Variants in LMBRD1 observed in about 807,000 individuals in gnomAD.
The protein encoded by LMBRD1 is LMBR1 domain containing 1, also known as lysosomal cobalamin transport escort protein LMBD1.
LMBRD1 carries 64 observed loss-of-function variants against 74.8 expected under a neutral mutation model. The observed-to-expected ratio is 0.86, with a 90% CI of 0.70 to 1.05. The LOEUF is 1.05. Among genes scored for constraint, LMBRD1 ranks in the 50% least tolerant of loss-of-function variants. LMBRD1 has a pLI of 0.00. For synonymous variants in LMBRD1, 204 were observed against 216.3 expected (o/e 0.94, Z 0.50); for missense variants, 652 against 645.9 (o/e 1.01, Z -0.10).
intron 9 of LMBRD1, among the ~76,000 whole-genome samples, chr6:69,711,708 T>C (rs998432154): frequency 6.6e-6 from 1 of 152,166 alleles, no homozygotes; most frequent in South Asian, 2.1e-4. Flanking sequence ...AAAAATCTCT[T>C]TCAAACCAGG....
intron 14 of LMBRD1, among the ~76,000 whole-genome samples, chr6:69,691,120 T>C (rs1156530381): frequency 2.0e-5 from 3 of 148,168 alleles, no homozygotes; most frequent in Non-Finnish European, 4.5e-5. Context: ...TTCCATTATA[T>C]TTAAAAAGCA....
chr6:69,796,861 G>A lies in LMBRD1; in HGVS notation c.21C>T (p.Ala7=), dbSNP rs774355755. Residue 7 remains alanine (A), a synonymous_variant, in exon 1 of 16, where the codon GCC becomes GCT. Coordinates refer to ENST00000649934, the MANE Select transcript of LMBRD1 (RefSeq NM_018368.4). ...ACCAGCCGATCACCAGCTCCGCCGA[G>A]GCCGCGCCAGAAGTCGCCATCTTCG... MATSGA[A]SAELVIGWCI... is the part of the protein sequence containing the mutation. 3.7e-6 allele frequency: 6 copies of A among 1,614,040 alleles called. No homozygotes were observed. In the East Asian group the frequency reaches 8.9e-5, roughly 24 times the overall value.
intron 9 of LMBRD1, chr6:69,705,892 C>A: frequency 7.5e-7 from 1 of 1,342,034 alleles, no homozygotes; most frequent in Non-Finnish European, 1.1e-6. Context: ...TTCAAAGCCC[C>A]TAAGGAAAAT....
intron 9 of LMBRD1, among the ~76,000 whole-genome samples, chr6:69,706,897 C>A (rs942178287): frequency 2.6e-5 from 4 of 152,176 alleles, no homozygotes; most frequent in African/African-American, 9.7e-5. Context: ...ACAGCATCTA[C>A]TTATTATCTC....
At chr6:69,783,299 G>A (rs1765877155) in intron 2 of LMBRD1, among the ~76,000 whole-genome samples, 1 of 152,196 alleles carries the variant, frequency 6.6e-6, no homozygotes, top group South Asian at 2.1e-4. Context: ...CATAATCAAA[G>A]CTTCAACTCC....
At chr6:69,679,971 T>G (rs1160124473) in intron 14 of LMBRD1, among the ~76,000 whole-genome samples, 1 of 152,144 alleles carries the variant, frequency 6.6e-6, no homozygotes, top group Non-Finnish European at 1.5e-5. Flanking sequence ...CAGACACGCA[T>G]GTCCAACAGT....
At chr6:69,694,472 C>A (rs1765953202) in intron 14 of LMBRD1, among the ~76,000 whole-genome samples, 1 of 152,156 alleles carries the variant, frequency 6.6e-6, no homozygotes, top group Admixed American at 6.5e-5. Flanking sequence ...GAACTAACAT[C>A]ATTAACTGGA....
intron 8 of LMBRD1, among the ~76,000 whole-genome samples, chr6:69,714,456 A>G (rs1345703772): frequency 6.6e-6 from 1 of 152,084 alleles, no homozygotes; most frequent in East Asian, 1.9e-4. Flanking sequence ...TATCTCATAG[A>G]TACACTTTCC....
intron 5 of LMBRD1, among the ~76,000 whole-genome samples, chr6:69,743,497 A>T (rs1374121426): frequency 6.6e-6 from 1 of 152,210 alleles, no homozygotes; most frequent in African/African-American, 2.4e-5. Context: ...ACCAGAGGGA[A>T]ACTTATATAA....
chr6:69,789,843 G>C (rs1204863669), intron 2 of LMBRD1, among the ~76,000 whole-genome samples: 1 of 152,148 alleles, frequency 6.6e-6, no homozygotes, highest in Non-Finnish European at 1.5e-5. Flanking sequence ...TAAGTGGTTT[G>C]GCTAAAGGTC....
chr6:69,788,523 T>A (rs796667177), intron 2 of LMBRD1, among the ~76,000 whole-genome samples: 49 of 152,286 alleles, frequency 3.2e-4, no homozygotes, highest in African/African-American at 1.2e-3. Flanking sequence ...ATTAAACATT[T>A]TTATAGAATT....
chr6:69,786,498 A>T (rs57913618), intron 2 of LMBRD1, among the ~76,000 whole-genome samples: 5 of 150,136 alleles, frequency 3.3e-5, no homozygotes, highest in Admixed American at 6.6e-5. Flanking sequence ...TTTTTTTTTT[A>T]CTATTGGATC....
chr6:69,774,988 AGGGAGGGAG>A (rs1562121714), intron 3 of LMBRD1, among the ~76,000 whole-genome samples: 1 of 29,454 alleles, frequency 3.4e-5, no homozygotes. Context: ...GAAGGAAGGA[AGGGAGGGAG>A]GGAGGGAGGG....
chr6:69,707,703 T>C lies in LMBRD1; in HGVS notation c.916-5750A>G, dbSNP rs1197047803. ...TTCACATTTGTTGATATTATGGACA[T>C]ATTTAGTCTCAATAATATCTTACTG... On this transcript the variant is annotated intron_variant, in intron 9 of 15. Coordinates refer to ENST00000649934, the MANE Select transcript of LMBRD1 (RefSeq NM_018368.4). Among the ~76,000 whole-genome samples the C allele has an allele frequency of 2.0e-5, 3 of 152,196 alleles. No individual in the cohort carries two copies. The East Asian group carries it at 5.8e-4, about 29-fold the overall frequency.
chr6:69,769,421 T>G (rs1245738473), intron 3 of LMBRD1, among the ~76,000 whole-genome samples: 2 of 152,216 alleles, frequency 1.3e-5, no homozygotes, highest in African/African-American at 4.8e-5. Flanking sequence ...CTTAGCTTAC[T>G]TTGCTGCTTT....
intron 2 of LMBRD1, 91 bp downstream of exon 2, chr6:69,790,205 G>T: frequency 1.2e-6 from 1 of 851,652 alleles, no homozygotes; most frequent in Non-Finnish European, 1.9e-6. Context: ...TTCATTCCCA[G>T]ATACAAAAAT....
chr6:69,764,332 A>ACTCTCTCTCTCTCTCTCT (rs113092782), intron 3 of LMBRD1, among the ~76,000 whole-genome samples: 31 of 147,860 alleles, frequency 2.1e-4, no homozygotes, highest in African/African-American at 6.5e-4. Context: ...TCGTTACCTC[A>ACTCTCTCTCTCTCTCTCT]CTCTCTCTCT....
chr6:69,770,766 C>A (rs995968923), intron 3 of LMBRD1, among the ~76,000 whole-genome samples: 1 of 151,820 alleles, frequency 6.6e-6, no homozygotes, highest in African/African-American at 2.4e-5. Flanking sequence ...CAGGAGGATA[C>A]AAACAATAAA....
At chr6:69,767,299 T>C (rs1029752115) in intron 3 of LMBRD1, among the ~76,000 whole-genome samples, 2 of 151,674 alleles carry the variant, frequency 1.3e-5, no homozygotes, top group African/African-American at 4.8e-5. Context: ...GAAGTTTAGG[T>C]AGTTGAGAAT....
Sources: allele counts gnomAD v4.1 joint callset (sites outside exome capture counted in the v4.1 genomes callset), GRCh38; gene constraint gnomAD v4.1.1; transcripts MANE v1.5; gene names NCBI Gene and HGNC (gene_info 2026-07-23, HGNC 2026-07-21).